Variants in PUM1 observed in about 807,000 individuals in gnomAD.
PUM1 encodes the protein pumilio homolog 1.
In PUM1, 13 loss-of-function variants were observed where a neutral mutation model predicts 131.8. That is an observed-to-expected ratio of 0.10 (90% confidence interval 0.06 to 0.16). PUM1 has a LOEUF of 0.16. Ranked by LOEUF, PUM1 falls within the 10% of genes least tolerant of loss-of-function variation. PUM1 has a pLI of 1.00. For synonymous variants in PUM1, 509 were observed against 556.5 expected, an observed-to-expected ratio of 0.91 and a Z score of 1.20; for missense variants, 961 against 1,512.4, an observed-to-expected ratio of 0.64 and a Z score of 6.05.
intron 7 of PUM1, among the ~76,000 whole-genome samples, chr1:30,990,125 C>G (rs2124482712): frequency 1.3e-5 from 2 of 152,318 alleles, no homozygotes; most frequent in African/African-American, 4.8e-5. Flanking sequence ...TCCTGAAAGG[C>G]TAGTTTCAAA....
intron 9 of PUM1, 131 bp downstream of exon 9, chr1:30,979,931 G>A (rs1641294108): frequency 1.6e-6 from 1 of 638,122 alleles, no homozygotes; most frequent in South Asian, 2.1e-5. Flanking sequence ...AAGCTGGCAG[G>A]TAGATGGCAT....
chr1:30,933,437 C>CAA, intron 21 of PUM1, 95 bp from the exon 22 acceptor site: 2 of 802,374 alleles, frequency 2.5e-6, no homozygotes, highest in Admixed American at 2.1e-5. Context: ...ATCACACACA[C>CAA]ATACACACAC....
rs1232435920 is a variant in PUM1, at chr1:30,952,222, A to G, written c.2721+12T>C. On this transcript the variant is annotated intron_variant, in intron 16 of 21. Transcript: ENST00000426105. ...TCTCTTAAGTCAAAGGATAGAAAGA[A>G]CAAAGGCTTACTTCAAAGAACTTCT... 6 of 1,613,026 alleles carry G rather than the reference A, an allele frequency of 3.7e-6. No individual in the cohort carries two copies. Among genetic ancestry groups the G allele is most frequent in the Admixed American group, 1.7e-5 (1 of 60,006 alleles).
chr1:30,978,063 G>A (rs1641209734), intron 9 of PUM1, among the ~76,000 whole-genome samples: 1 of 152,080 alleles, frequency 6.6e-6, no homozygotes, highest in African/African-American at 2.4e-5. Context: ...TGGCAAACAT[G>A]GCAAAACCCC....
intron 21 of PUM1, among the ~76,000 whole-genome samples, 164 bp downstream of exon 21, chr1:30,936,479 A>G (rs985086762): frequency 2.6e-5 from 4 of 152,222 alleles, no homozygotes; most frequent in African/African-American, 9.6e-5. Context: ...GCAAATGTGT[A>G]AGGACAATGG....
intron 8 of PUM1, 56 bp from the exon 9 acceptor site, chr1:30,980,219 C>G: frequency 7.6e-7 from 1 of 1,321,198 alleles, no homozygotes; most frequent in Middle Eastern, 1.8e-4. Context: ...GCAGCCCTAT[C>G]AAATACCTAC....
intron 5 of PUM1, among the ~76,000 whole-genome samples, chr1:31,000,834 T>C (rs530993126): frequency 6.6e-6 from 1 of 152,358 alleles, no homozygotes; most frequent in East Asian, 1.9e-4. Context: ...AAATGTCTGA[T>C]TCCTTTGAAG....
chr1:31,029,412 G>A (rs755972311), intron 2 of PUM1, among the ~76,000 whole-genome samples: 2 of 152,134 alleles, frequency 1.3e-5, no homozygotes, highest in Non-Finnish European at 2.9e-5. Flanking sequence ...ACCTAACCAG[G>A]GGGAGAAAAT....
At chr1:31,048,353 TCTCC>T (rs1644020674) in intron 2 of PUM1, among the ~76,000 whole-genome samples, 1 of 151,838 alleles carries the variant, frequency 6.6e-6, no homozygotes, top group Admixed American at 6.6e-5. Flanking sequence ...CAAACACAAC[TCTCC>T]CTAACTGCTG....
chr1:30,943,922 C>G (rs933444572), intron 18 of PUM1, among the ~76,000 whole-genome samples: 1 of 152,148 alleles, frequency 6.6e-6, no homozygotes, highest in African/African-American at 2.4e-5. Flanking sequence ...GAAATGTCAA[C>G]TTGTGTTCTG....
intron 2 of PUM1, among the ~76,000 whole-genome samples, chr1:31,035,325 G>A (rs764201002): frequency 5.3e-5 from 8 of 151,520 alleles, no homozygotes; most frequent in Non-Finnish European, 1.0e-4. Flanking sequence ...CCCGAGAGGC[G>A]GAGGTTGCAG....
intron 7 of PUM1, among the ~76,000 whole-genome samples, chr1:30,990,397 T>C (rs1372674503): frequency 2.6e-5 from 4 of 152,060 alleles, no homozygotes; most frequent in Admixed American, 6.5e-5. Context: ...ATGACAGCTT[T>C]TTGGTTTGGA....
intron 21 of PUM1, 71 bp from the exon 22 acceptor site, chr1:30,933,413 T>A (rs1639038544): frequency 1.6e-5 from 23 of 1,397,050 alleles, no homozygotes; most frequent in Non-Finnish European, 2.0e-5. Flanking sequence ...CGGACATGCA[T>A]TTGCATGTCA....
intron 2 of PUM1, among the ~76,000 whole-genome samples, chr1:31,056,921 T>G (rs1174930798): frequency 6.6e-6 from 1 of 152,012 alleles, no homozygotes; most frequent in Non-Finnish European, 1.5e-5. Flanking sequence ...GCCTTCCAAG[T>G]AGCTGGGATT....
At chr1:31,001,940 C>A (rs1320641379) in intron 5 of PUM1, among the ~76,000 whole-genome samples, 2 of 152,212 alleles carry the variant, frequency 1.3e-5, no homozygotes, top group African/African-American at 2.4e-5. Flanking sequence ...GATTTTGATT[C>A]ATTCGCTCTC....
intron 3 of PUM1, among the ~76,000 whole-genome samples, chr1:31,010,802 G>C (rs1642583674): frequency 1.3e-5 from 2 of 152,142 alleles, no homozygotes; most frequent in East Asian, 1.9e-4. Context: ...GCTTGTGAAG[G>C]ACCCTGAAGC....
chr1:30,932,975 A>T lies in PUM1; in HGVS notation c.*236T>A, dbSNP rs975697878. 2 of 421,854 alleles carry T rather than the reference A, an allele frequency of 4.7e-6. No homozygotes were observed. Among genetic ancestry groups the T allele is most frequent in the African/African-American group, 4.1e-5 (2 of 48,902 alleles). 26.1% of individuals were successfully genotyped at this position (421,854 alleles called of 1,614,324 possible). A position where few individuals can be genotyped will look rare whatever the true frequency, so the allele number is the denominator to read the frequency against. The stretch of plus-strand genomic sequence containing the variant: ...ATGTACAAGTATCCTATACACCAGT[A>T]AAACAGCAGGGCAATTAGTCAATTA... On this transcript the variant is annotated 3_prime_UTR_variant, in exon 22 of 22. Transcript: ENST00000426105.
At chr1:30,936,413 C>CA (rs1169482579) in intron 21 of PUM1, among the ~76,000 whole-genome samples, 2 of 152,118 alleles carry the variant, frequency 1.3e-5, no homozygotes, top group Admixed American at 1.3e-4. Flanking sequence ...GGAAATATTT[C>CA]AAAAAATGTA....
intron 2 of PUM1, among the ~76,000 whole-genome samples, chr1:31,031,312 A>G (rs1231408878): frequency 6.6e-6 from 1 of 152,232 alleles, no homozygotes; most frequent in East Asian, 1.9e-4. Flanking sequence ...ACCTACAAAT[A>G]CAGTTTCAAC....
Sources: gnomAD v4.1 joint callset for allele counts (sites outside exome capture counted in the v4.1 genomes callset) on GRCh38, gnomAD v4.1.1 for gene constraint, MANE v1.5 for transcripts, NCBI Gene and HGNC (gene_info 2026-07-23, HGNC 2026-07-21) for gene names.